The following ATXN1 variants were observed in gnomAD, a reference collection of about 807,000 sequenced individuals.
The protein encoded by ATXN1 is ataxin-1.
In ATXN1, 8 loss-of-function variants were observed where a neutral mutation model predicts 56.4. The observed-to-expected ratio is 0.14, with a 90% CI of 0.08 to 0.26. The LOEUF is 0.26. Among genes scored for constraint, ATXN1 ranks in the 10% least tolerant of loss-of-function variants. ATXN1 has a pLI of 1.00. For missense variants in ATXN1, 987 were observed against 1,106.5 expected (o/e 0.89, Z 1.53); for synonymous variants, 514 against 494.6 (o/e 1.04, Z -0.52).
At chr6:16,584,243 T>TATATATACAC (rs1403082306) in intron 4 of ATXN1, among the ~76,000 whole-genome samples, 1 of 118,498 alleles carries the variant, frequency 8.4e-6, no homozygotes, top group African/African-American at 3.3e-5. Flanking sequence ...TATATATATA[T>TATATATACAC]ACACACACAC....
intron 4 of ATXN1, among the ~76,000 whole-genome samples, chr6:16,550,282 C>A (rs1001316025): frequency 6.6e-6 from 1 of 152,110 alleles, no homozygotes; most frequent in South Asian, 2.1e-4. Flanking sequence ...TCAGCTCTGG[C>A]AATGTGGCTA....
intron 2 of ATXN1, chr6:16,739,771 T>C (rs561663374): frequency 2.2e-5 from 10 of 454,968 alleles, no homozygotes; most frequent in South Asian, 1.4e-4. Context: ...TGTCATCCTT[T>C]AGGGTGGCCC....
At chr6:16,636,492 T>G (rs1287856219) in intron 3 of ATXN1, among the ~76,000 whole-genome samples, 1 of 152,164 alleles carries the variant, frequency 6.6e-6, no homozygotes, top group Non-Finnish European at 1.5e-5. Context: ...TAGGACAAAG[T>G]ATATTTGGCC....
Position 16,336,836 on chromosome 6 carries a change from C to T in ATXN1, c.-160-8366G>A, listed in dbSNP as rs367761892. Among the ~76,000 whole-genome samples the T allele has an allele frequency of 9.9e-5, 15 of 152,252 alleles. No homozygotes were observed. The South Asian group carries it at 1.7e-3, about 17-fold the overall frequency. Reference sequence around the variant, plus strand: ...AAGCAAAGGCAGGAGAAAAGCAGCCCCACTACTTATATTATCAGCACCACG... The same window carrying T: ...AAGCAAAGGCAGGAGAAAAGCAGCCTCACTACTTATATTATCAGCACCACG... On this transcript the variant is annotated intron_variant, in intron 6 of 7. Transcript: ENST00000436367.
chr6:16,456,057 T>C (rs779404027), intron 6 of ATXN1, among the ~76,000 whole-genome samples: 1 of 152,210 alleles, frequency 6.6e-6, no homozygotes, highest in Non-Finnish European at 1.5e-5. Flanking sequence ...CAGCCAGCAG[T>C]GGCAACCCAT....
At chr6:16,312,668 T>C (rs1178200282) in intron 7 of ATXN1, among the ~76,000 whole-genome samples, 2 of 152,136 alleles carry the variant, frequency 1.3e-5, no homozygotes, top group African/African-American at 2.4e-5. Flanking sequence ...CTGGCCAATA[T>C]GGTGAAACCC....
At chr6:16,675,117 G>T (rs1021782767) in intron 2 of ATXN1, among the ~76,000 whole-genome samples, 3 of 152,208 alleles carry the variant, frequency 2.0e-5, no homozygotes, top group Admixed American at 6.5e-5. Flanking sequence ...AGTCTAGGGG[G>T]AGGTGGGTGT....
chr6:16,549,394 G>A (rs886618541), intron 4 of ATXN1, among the ~76,000 whole-genome samples: 2 of 152,108 alleles, frequency 1.3e-5, no homozygotes, highest in Admixed American at 6.5e-5. Flanking sequence ...ATTACTAGGC[G>A]ATAAAAATTC....
chr6:16,642,654 T>C (rs1335786150), intron 3 of ATXN1, among the ~76,000 whole-genome samples: 5 of 152,186 alleles, frequency 3.3e-5, no homozygotes, highest in South Asian at 2.1e-4. Context: ...GCAAACGTCA[T>C]TGTTGTCTAA....
At position 16,695,500 on chromosome 6, in the gene ATXN1, C is replaced by G. The variant is rs150288799; in HGVS notation, c.-614-37599G>C. Among the ~76,000 whole-genome samples the G allele has an allele frequency of 9.8e-3, 1,499 of 152,224 alleles. 7 individuals carry two copies. Among genetic ancestry groups the G allele is most frequent in the Middle Eastern group, 0.031 (9 of 294 alleles). On this transcript the variant is annotated intron_variant, in intron 2 of 7. Coordinates refer to ENST00000436367, the MANE Select transcript of ATXN1 (RefSeq NM_001128164.2). Reference sequence around the variant, plus strand: ...ACAGGTCATCATCTCCCAGGTACCACCCAAGTACCCAAGCAAGCCCACCAG... The same window carrying G: ...ACAGGTCATCATCTCCCAGGTACCAGCCAAGTACCCAAGCAAGCCCACCAG...
At chr6:16,634,246 AC>A (rs1205950850) in intron 3 of ATXN1, among the ~76,000 whole-genome samples, 1 of 152,176 alleles carries the variant, frequency 6.6e-6, no homozygotes, top group Non-Finnish European at 1.5e-5. Context: ...TTTAGCATTT[AC>A]TTAGCAAGCA....
At chr6:16,643,494 T>C (rs1329901843) in intron 3 of ATXN1, among the ~76,000 whole-genome samples, 1 of 151,704 alleles carries the variant, frequency 6.6e-6, no homozygotes, top group African/African-American at 2.4e-5. Flanking sequence ...CCAGGTGTTG[T>C]CGTGCACACA....
At chr6:16,341,799 G>T (rs1275199451) in intron 6 of ATXN1, among the ~76,000 whole-genome samples, 1 of 151,602 alleles carries the variant, frequency 6.6e-6, no homozygotes, top group South Asian at 2.1e-4. Context: ...GATTATAGGC[G>T]TGAGCCACCG....
chr6:16,556,273 C>T (rs1478207264), intron 4 of ATXN1, among the ~76,000 whole-genome samples: 1 of 152,148 alleles, frequency 6.6e-6, no homozygotes, highest in African/African-American at 2.4e-5. Flanking sequence ...TGGGGGGACG[C>T]TGAGGAAAAT....
intron 6 of ATXN1, among the ~76,000 whole-genome samples, chr6:16,366,992 G>C (rs1367842088): frequency 6.6e-6 from 1 of 151,698 alleles, no homozygotes; most frequent in East Asian, 1.9e-4. Context: ...CATGCATAGA[G>C]CCCAAACTGG....
chr6:16,342,805 T>A (rs771568089), intron 6 of ATXN1, among the ~76,000 whole-genome samples: 3 of 152,188 alleles, frequency 2.0e-5, no homozygotes, highest in Non-Finnish European at 4.4e-5. Context: ...TCCCCTTCTA[T>A]GAGGAATCTA....
intron 6 of ATXN1, among the ~76,000 whole-genome samples, chr6:16,397,253 T>A (rs1758476004): frequency 6.6e-6 from 1 of 152,076 alleles, no homozygotes; most frequent in Non-Finnish European, 1.5e-5. Context: ...CTAAACTTTT[T>A]GTTTTGTTTT....
chr6:16,391,344 C>G (rs9464895), intron 6 of ATXN1, among the ~76,000 whole-genome samples: 2 of 151,872 alleles, frequency 1.3e-5, no homozygotes, highest in Non-Finnish European at 2.9e-5. Flanking sequence ...CAGAGGTTCT[C>G]AAACATGGCT....
At chr6:16,572,666 A>G (rs1349945897) in intron 4 of ATXN1, among the ~76,000 whole-genome samples, 5 of 152,222 alleles carry the variant, frequency 3.3e-5, no homozygotes, top group Non-Finnish European at 7.3e-5. Flanking sequence ...CAAGCCCAAG[A>G]GAAAACAAAA....
Sources: allele counts gnomAD v4.1 joint callset (sites outside exome capture counted in the v4.1 genomes callset), GRCh38; gene constraint gnomAD v4.1.1; transcripts MANE v1.5; gene names NCBI Gene and HGNC (gene_info 2026-07-23, HGNC 2026-07-21).